Variants in ARHGAP8 observed in about 807,000 individuals in gnomAD.
ARHGAP8 encodes Rho GTPase activating protein 8, also known as rho GTPase-activating protein 8.
In ARHGAP8, 62 loss-of-function variants were observed where a neutral mutation model predicts 46.1. The observed-to-expected ratio is 1.34, with a 90% confidence interval of 1.10 to 1.66. The LOEUF is 1.66. Ranked by LOEUF, ARHGAP8 falls within the 40% of genes most tolerant of loss-of-function variation. ARHGAP8 has a pLI of 0.00. For missense variants in ARHGAP8, 923 were observed against 568.4 expected (o/e 1.62, Z -6.34); for synonymous variants, 375 against 243.1 (o/e 1.54, Z -5.05).
chr22:44,752,704 C>A (rs1177060414), intron 1 of ARHGAP8, 77 bp downstream of exon 1: 1 of 150,516 alleles, frequency 6.6e-6, no homozygotes, highest in Non-Finnish European at 1.5e-5. Context: ...CGCGGGGGCT[C>A]CCAGGGCGTG....
intron 11 of ARHGAP8, among the ~76,000 whole-genome samples, chr22:44,862,021 G>T (rs779713206): frequency 2.0e-5 from 3 of 152,210 alleles, no homozygotes; most frequent in African/African-American, 7.2e-5. Flanking sequence ...AGATAGTGGG[G>T]GGTTGAGGCT....
intron 5 of ARHGAP8, among the ~76,000 whole-genome samples, chr22:44,820,421 G>A (rs1930043681): frequency 6.6e-6 from 1 of 152,168 alleles, no homozygotes; most frequent in Non-Finnish European, 1.5e-5. Context: ...GCCCTTAGTG[G>A]GTTCCTCCCG....
At chr22:44,861,985 C>A (rs1487654175) in intron 11 of ARHGAP8, among the ~76,000 whole-genome samples, 1 of 152,192 alleles carries the variant, frequency 6.6e-6, no homozygotes, top group East Asian at 1.9e-4. Flanking sequence ...AAGATTGCAT[C>A]TCCCCAGAAG....
chr22:44,792,580 C>T (rs898457409), intron 2 of ARHGAP8, among the ~76,000 whole-genome samples: 1 of 152,170 alleles, frequency 6.6e-6, no homozygotes, highest in Non-Finnish European at 1.5e-5. Context: ...GCCAAGGGCT[C>T]TCCTGCGTCC....
intron 2 of ARHGAP8, among the ~76,000 whole-genome samples, chr22:44,789,593 G>A (rs977439345): frequency 9.2e-5 from 14 of 151,992 alleles, no homozygotes; most frequent in Non-Finnish European, 1.8e-4. Context: ...TACCTCCCTC[G>A]GCTCAGGCAG....
intron 7 of ARHGAP8, among the ~76,000 whole-genome samples, chr22:44,828,429 T>C (rs1240260009): frequency 2.5e-4 from 8 of 31,932 alleles, no homozygotes; most frequent in African/African-American, 1.7e-3. Flanking sequence ...ACCAGAATTT[T>C]TTTTTTTTTT....
intron 7 of ARHGAP8, among the ~76,000 whole-genome samples, chr22:44,835,553 G>A (rs963813875): frequency 2.6e-5 from 4 of 152,098 alleles, no homozygotes; most frequent in Admixed American, 6.5e-5. Context: ...CCGGGGAGGC[G>A]GAGGTTGCAG....
intron 1 of ARHGAP8, among the ~76,000 whole-genome samples, chr22:44,766,401 C>A (rs1250057942): frequency 6.6e-6 from 1 of 150,620 alleles, no homozygotes; most frequent in Admixed American, 6.6e-5. Flanking sequence ...TGTGTGTGGG[C>A]ACGTGTGTGT....
intron 1 of ARHGAP8, among the ~76,000 whole-genome samples, chr22:44,768,334 CTT>C (rs1925746158): frequency 6.6e-6 from 1 of 151,968 alleles, no homozygotes; most frequent in African/African-American, 2.4e-5. Flanking sequence ...GCGTCTCACT[CTT>C]TCACCCAGGC....
intron 7 of ARHGAP8, among the ~76,000 whole-genome samples, chr22:44,838,014 C>T (rs928412457): frequency 2.6e-5 from 4 of 152,164 alleles, no homozygotes; most frequent in African/African-American, 9.7e-5. Context: ...TGCTCTGTCT[C>T]CTAGGCTGGA....
At chr22:44,845,245 C>G in intron 7 of ARHGAP8, 24 bp from the exon 8 acceptor site, 2 of 1,613,814 alleles carry the variant, frequency 1.2e-6, no homozygotes, top group Non-Finnish European at 1.7e-6. Context: ...GTAAAAACTG[C>G]GACTTTCTTT....
At chr22:44,837,848 G>A (rs1047789927) in intron 7 of ARHGAP8, among the ~76,000 whole-genome samples, 4 of 152,170 alleles carry the variant, frequency 2.6e-5, no homozygotes, top group East Asian at 1.9e-4. Context: ...TGGAAAACCC[G>A]CTTGGCTGGG....
intron 7 of ARHGAP8, among the ~76,000 whole-genome samples, chr22:44,842,578 C>A (rs2269538): frequency 0.077 from 11,762 of 152,170 alleles, 833 homozygotes; most frequent in East Asian, 0.41. Context: ...GCAGGTGGGG[C>A]TGGTGGCGAG....
intron 7 of ARHGAP8, among the ~76,000 whole-genome samples, chr22:44,825,878 G>T (rs1449708675): frequency 2.0e-4 from 27 of 133,646 alleles, no homozygotes; most frequent in Non-Finnish European, 4.1e-4. Context: ...TGGTTGGGGG[G>T]CGCGTGCTTG....
At chr22:44,844,813 G>A (rs958263603) in intron 7 of ARHGAP8, among the ~76,000 whole-genome samples, 2 of 152,180 alleles carry the variant, frequency 1.3e-5, no homozygotes, top group African/African-American at 4.8e-5. Flanking sequence ...TAAGAGACAG[G>A]TTAACCCAGA....
chr22:44,801,745 C>T, intron 2 of ARHGAP8: 3 of 295,644 alleles, frequency 1.0e-5, no homozygotes, highest in Non-Finnish European at 1.9e-5. Context: ...CTACACCCTG[C>T]CTTTGAAGTC....
intron 1 of ARHGAP8, among the ~76,000 whole-genome samples, chr22:44,754,643 G>A (rs1192930487): frequency 6.6e-6 from 1 of 152,052 alleles, no homozygotes; most frequent in African/African-American, 2.4e-5. Context: ...GGGATTACAG[G>A]CATGAGCCAC....
intron 6 of ARHGAP8, among the ~76,000 whole-genome samples, chr22:44,823,647 G>C (rs1290550677): frequency 6.6e-6 from 1 of 152,170 alleles, no homozygotes; most frequent in Non-Finnish European, 1.5e-5. Context: ...AAAGTGATCC[G>C]GGGGAGTCCA....
At chr22:44,817,735 A>AG in intron 5 of ARHGAP8, among the ~76,000 whole-genome samples, 1 of 152,268 alleles carries the variant, frequency 6.6e-6, no homozygotes, top group African/African-American at 2.4e-5. Flanking sequence ...TGAACCCACG[A>AG]GGCAGAGGTT....
Sources: gnomAD v4.1 joint callset for allele counts (sites outside exome capture counted in the v4.1 genomes callset) on GRCh38, gnomAD v4.1.1 for gene constraint, MANE v1.5 for transcripts, NCBI Gene and HGNC (gene_info 2026-07-23, HGNC 2026-07-21) for gene names.